Variants in AUTS2 observed in about 807,000 individuals in gnomAD.
AUTS2 encodes autism susceptibility gene 2 protein.
Under a neutral mutation model 112.4 loss-of-function variants are expected in AUTS2, and 17 were observed. The ratio of observed to expected loss-of-function variants is 0.15; its 90% confidence interval spans 0.10 to 0.23. AUTS2 has a LOEUF of 0.23. Ranked by LOEUF, AUTS2 falls within the 10% of genes least tolerant of loss-of-function variation. The pLI, the probability that AUTS2 is intolerant of heterozygous loss-of-function variation, is 1.00. For missense variants in AUTS2, 1,510 were observed against 1,701.6 expected (o/e 0.89, Z 1.98); for synonymous variants, 751 against 702.7 (o/e 1.07, Z -1.09).
intron 5 of AUTS2, among the ~76,000 whole-genome samples, chr7:70,555,120 G>C (rs1209681537): frequency 6.6e-6 from 1 of 152,170 alleles, no homozygotes; most frequent in Non-Finnish European, 1.5e-5. Flanking sequence ...AAAGATACTA[G>C]AGTATCTGGA....
chr7:70,011,340 C>CTCTCCTCTCCTCTCT (rs2129554228), intron 2 of AUTS2, among the ~76,000 whole-genome samples: 1 of 149,462 alleles, frequency 6.7e-6, no homozygotes, highest in Admixed American at 6.7e-5. Flanking sequence ...CTCTCCTCTC[C>CTCTCCTCTCCTCTCT]TCTCCTCTCC....
chr7:70,666,972 T>TA (rs5884791), intron 5 of AUTS2, among the ~76,000 whole-genome samples: 198 of 135,658 alleles, frequency 1.5e-3, no homozygotes, highest in South Asian at 2.4e-3. Context: ...GCCGTCTTCT[T>TA]AAAAAAAAAA....
At chr7:69,701,405 T>A (rs555561395) in intron 1 of AUTS2, among the ~76,000 whole-genome samples, 4 of 152,324 alleles carry the variant, frequency 2.6e-5, no homozygotes, top group African/African-American at 9.6e-5. Context: ...ATTTGAGTGC[T>A]CAGCAAGTGC....
At chr7:70,417,811 A>G (rs1352284174) in intron 4 of AUTS2, among the ~76,000 whole-genome samples, 1 of 151,956 alleles carries the variant, frequency 6.6e-6, no homozygotes, top group Non-Finnish European at 1.5e-5. Flanking sequence ...CTTTTCTCCT[A>G]TCCTGAAGGG....
chr7:70,246,494 T>C (rs1449405983), intron 4 of AUTS2, among the ~76,000 whole-genome samples: 2 of 152,180 alleles, frequency 1.3e-5, no homozygotes, highest in African/African-American at 4.8e-5. Context: ...CCAACTGTCA[T>C]AAATTATGCC....
At chr7:70,343,490 A>G (rs576191149) in intron 4 of AUTS2, among the ~76,000 whole-genome samples, 2 of 152,340 alleles carry the variant, frequency 1.3e-5, no homozygotes, top group South Asian at 2.1e-4. Flanking sequence ...GAAAGACACT[A>G]TCTATCCCAC....
intron 2 of AUTS2, among the ~76,000 whole-genome samples, chr7:69,991,593 T>C (rs1360919335): frequency 6.6e-6 from 1 of 152,240 alleles, no homozygotes; most frequent in African/African-American, 2.4e-5. Context: ...AATTATATGT[T>C]GTTTACCACA....
chr7:70,323,908 AAC>A lies in AUTS2; in HGVS notation c.661-111840_661-111839del, dbSNP rs551491762. Among the ~76,000 whole-genome samples, 482 of 152,346 alleles carry A rather than the reference AAC, an allele frequency of 3.2e-3. 2 individuals are homozygous for A. Among genetic ancestry groups the A allele is most frequent in the Non-Finnish European group, 5.7e-3 (389 of 68,028 alleles). On this transcript the variant is annotated intron_variant, in intron 4 of 18. Transcript: ENST00000342771. ...TAAATATAGGTGATTCAATAAAATGAACACAGAGTCTATTACTCTGCCACCAT... is the reference window on the plus strand; with the variant it reads ...TAAATATAGGTGATTCAATAAAATGAACAGAGTCTATTACTCTGCCACCAT...
chr7:70,327,679 A>T (rs1790554026), intron 4 of AUTS2, among the ~76,000 whole-genome samples: 1 of 152,172 alleles, frequency 6.6e-6, no homozygotes, highest in African/African-American at 2.4e-5. Flanking sequence ...TCTGGGCGTA[A>T]TCATCCCTCA....
intron 2 of AUTS2, among the ~76,000 whole-genome samples, chr7:69,963,774 C>A (rs1364873920): frequency 6.6e-6 from 1 of 152,130 alleles, no homozygotes. Context: ...TTTGCAATTA[C>A]ACCCAGCATT....
chr7:70,615,684 G>A (rs1804327378), intron 5 of AUTS2, among the ~76,000 whole-genome samples: 1 of 152,150 alleles, frequency 6.6e-6, no homozygotes, highest in Non-Finnish European at 1.5e-5. Context: ...GAGGTCAACT[G>A]TGCTGCTTTC....
chr7:69,610,901 T>C (rs1231209320), intron 1 of AUTS2, among the ~76,000 whole-genome samples: 2 of 152,200 alleles, frequency 1.3e-5, no homozygotes, highest in African/African-American at 4.8e-5. Context: ...AGGGCTGCAT[T>C]GTTATTAGGG....
At chr7:70,322,042 G>C (rs1314878222) in intron 4 of AUTS2, among the ~76,000 whole-genome samples, 1 of 152,120 alleles carries the variant, frequency 6.6e-6, no homozygotes, top group Non-Finnish European at 1.5e-5. Flanking sequence ...AGGTTACTTA[G>C]AGACAGAATT....
intron 4 of AUTS2, among the ~76,000 whole-genome samples, chr7:70,256,188 C>T (rs920716094): frequency 4.6e-5 from 7 of 152,168 alleles, no homozygotes; most frequent in South Asian, 2.1e-4. Context: ...GGGGCCATTC[C>T]GCTCTGCTCC....
intron 2 of AUTS2, among the ~76,000 whole-genome samples, chr7:70,035,309 T>G (rs933732424): frequency 3.9e-5 from 6 of 152,134 alleles, no homozygotes; most frequent in African/African-American, 1.4e-4. Flanking sequence ...AGTTTCCACT[T>G]CCTAATCTGG....
At position 70,790,819 on chromosome 7, in the gene AUTS2, G is replaced by A. The variant is rs536291421; in HGVS notation, c.3603G>A (p.Ala1201=). The change falls in exon 19 of 19, where the codon GCG becomes GCA. Residue 1201 remains alanine, a synonymous_variant. Coordinates refer to ENST00000342771, the MANE Select transcript of AUTS2 (RefSeq NM_015570.4). This position sits in a 1 kb window ranked among gnomAD's most constrained non-coding sequence, Gnocchi z 7.6. ...ACTATCCCCGCATCAGCCCCACCGCGGGCAACCAGAACGGACTCCTCAACA... is the reference window on the plus strand; with the variant it reads ...ACTATCCCCGCATCAGCCCCACCGCAGGCAACCAGAACGGACTCCTCAACA... ...SMHYPRISPT[A]GNQNGLLNKT... 5.6e-6 allele frequency: 9 copies of A among 1,605,796 alleles called. No individual in the cohort carries two copies. In the South Asian group the frequency reaches 6.7e-5, roughly 12 times the overall value.
chr7:70,078,877 T>G (rs1803166948), intron 2 of AUTS2, among the ~76,000 whole-genome samples: 1 of 152,222 alleles, frequency 6.6e-6, no homozygotes, highest in Non-Finnish European at 1.5e-5. Context: ...TGCTCTCATG[T>G]TTTCATTGCA....
At chr7:70,346,494 G>C (rs930992482) in intron 4 of AUTS2, among the ~76,000 whole-genome samples, 1 of 151,946 alleles carries the variant, frequency 6.6e-6, no homozygotes, top group South Asian at 2.1e-4. Context: ...TCTCATTTGC[G>C]GAGGAGGTTA....
chr7:70,675,698 C>G (rs1310197839), intron 5 of AUTS2, among the ~76,000 whole-genome samples: 1 of 152,190 alleles, frequency 6.6e-6, no homozygotes, highest in Non-Finnish European at 1.5e-5. Flanking sequence ...AGTCTTCACT[C>G]ATGCATGAGG....
Sources: gnomAD v4.1 joint callset for allele counts (sites outside exome capture counted in the v4.1 genomes callset) on GRCh38, gnomAD v4.1.1 for gene constraint, Gnocchi (gnomAD v3.1) non-coding constraint, MANE v1.5 for transcripts, NCBI Gene and HGNC (gene_info 2026-07-23, HGNC 2026-07-21) for gene names.